The following ICE2 variants were observed in gnomAD, a reference collection of about 807,000 sequenced individuals.
The protein encoded by ICE2 is interactor of little elongation complex ELL subunit 2.
Under a neutral mutation model 105.4 loss-of-function variants are expected in ICE2, and 87 were observed. The observed-to-expected ratio is 0.83, with a 90% CI of 0.69 to 0.99. The LOEUF (loss-of-function observed/expected upper bound fraction) is 0.99. Ranked by LOEUF, ICE2 falls within the 50% of genes least tolerant of loss-of-function variation. The pLI, the probability that ICE2 is intolerant of heterozygous loss-of-function variation, is 0.00. For synonymous variants in ICE2, 399 were observed against 392.0 expected, an observed-to-expected ratio of 1.02 and a Z score of -0.21; for missense variants, 1,323 against 1,146.7, an observed-to-expected ratio of 1.15 and a Z score of -2.22.
intron 1 of ICE2, 47 bp from the exon 2 acceptor site, chr15:60,478,116 G>C (rs1409522965): frequency 1.3e-6 from 1 of 748,070 alleles, no homozygotes; most frequent in Non-Finnish European, 2.4e-6. Context: ...GATTGGCTAG[G>C]CCAGGTGCTA....
Position 60,448,024 on chromosome 15 carries a change from A to G in ICE2, c.2241T>C (p.Ser747=), listed in dbSNP as rs769182457. The G allele has an allele frequency of 1.9e-6, 3 of 1,613,902 alleles. No individual in the cohort carries two copies. In the South Asian group the frequency reaches 3.3e-5, roughly 18 times the overall value. Residue 747 remains serine, a synonymous_variant, in exon 11 of 16, where the codon AGT becomes AGC. Transcript: ENST00000261520. The part of the protein sequence containing the change: ...LQDLLLLVRC[S]VQRIETRPRS... ...GTGGTCTTGTCTCTATCCTCTGGACACTGCAGCGTACGAGTAACAACAGGT... is the reference window on the plus strand; with the variant it reads ...GTGGTCTTGTCTCTATCCTCTGGACGCTGCAGCGTACGAGTAACAACAGGT...
At chr15:60,466,953 TTGA>T (rs1375472844) in intron 4 of ICE2, among the ~76,000 whole-genome samples, 30 of 152,248 alleles carry the variant, frequency 2.0e-4, no homozygotes, top group Admixed American at 5.2e-4. Flanking sequence ...AACTGAGAAG[TTGA>T]TTTTATAAAA....
chr15:60,434,168 A>G (rs2063526531), intron 13 of ICE2, among the ~76,000 whole-genome samples: 1 of 152,216 alleles, frequency 6.6e-6, no homozygotes, highest in African/African-American at 2.4e-5. Flanking sequence ...CTTTCCTAGA[A>G]GTTGTGAGAT....
At chr15:60,457,211 T>TA (rs201865661) in intron 5 of ICE2, among the ~76,000 whole-genome samples, 1,921 of 152,062 alleles carry the variant, frequency 0.013, 52 homozygotes, top group African/African-American at 0.044. Flanking sequence ...ATCTATAATC[T>TA]AAAAAAAATC....
chr15:60,474,679 GC>G (rs2064705675), intron 3 of ICE2, among the ~76,000 whole-genome samples: 1 of 152,304 alleles, frequency 6.6e-6, no homozygotes, highest in African/African-American at 2.4e-5. Flanking sequence ...ATGTCTTACA[GC>G]TTTTTTGTTC....
chr15:60,428,872 A>G (rs1380493945), intron 14 of ICE2, among the ~76,000 whole-genome samples, 185 bp from the exon 15 acceptor site: 3 of 152,240 alleles, frequency 2.0e-5, no homozygotes, highest in African/African-American at 7.2e-5. Context: ...TTAGGCAACT[A>G]ATTTTAATTC....
chr15:60,475,854 T>C (rs2064746180), intron 3 of ICE2, among the ~76,000 whole-genome samples: 1 of 152,152 alleles, frequency 6.6e-6, no homozygotes, highest in East Asian at 1.9e-4. Context: ...TAGTTTAGCA[T>C]AGTATTATAA....
rs2063467992 is a variant in ICE2 at position 60,431,878 on chromosome 15, A to G, written c.2561+56T>C. 8 of 994,234 alleles carry G rather than the reference A, an allele frequency of 8.0e-6. No homozygotes were observed. In the South Asian group the frequency reaches 1.2e-4, roughly 15 times the overall value. 61.6% of individuals were successfully genotyped at this position (994,234 alleles called of 1,614,324 possible). On this transcript the variant is annotated intron_variant, in intron 14 of 15. Transcript: ENST00000261520. ...ACAGTACATTTTCAAAGTTTCTAAG[A>G]ATTTTCATCTAAGAAAATCAGATGT...
chr15:60,443,394 T>C (rs994707698), intron 11 of ICE2, among the ~76,000 whole-genome samples: 7 of 152,256 alleles, frequency 4.6e-5, no homozygotes, highest in Admixed American at 2.6e-4. Context: ...TTTGAAAATA[T>C]TTCATCAGTA....
chr15:60,463,724 C>T (rs907020196), intron 5 of ICE2, among the ~76,000 whole-genome samples: 3 of 152,122 alleles, frequency 2.0e-5, no homozygotes, highest in Admixed American at 1.3e-4. Flanking sequence ...GGGCTGAGAT[C>T]GTGCCATTGC....
At position 60,476,124 on chromosome 15, in the gene ICE2, C is replaced by G. The variant is rs1292639114; in HGVS notation, c.85G>C (p.Glu29Gln). 3.1e-6 allele frequency: 5 copies of G among 1,607,554 alleles called. No individual in the cohort carries two copies. In the African/African-American group the frequency reaches 5.4e-5, roughly 17 times the overall value. Residue 29 changes from glutamate (E) to glutamine (Q), a missense_variant, in exon 3 of 16, where the codon GAA becomes CAA. Transcript: ENST00000261520. Reference sequence around the variant, plus strand: ...GCCATGGAATGATCTTTATAATTTTCTCGAGAGAAAAATGTCTTAAGGCCA... The same window carrying G: ...GCCATGGAATGATCTTTATAATTTTGTCGAGAGAAAAATGTCTTAAGGCCA... ...KNGLKTFFSR[E>Q]NYKDHSMAPS... is the part of the protein sequence containing the mutation.
At chr15:60,442,631 CA>C (rs1471289432) in intron 11 of ICE2, 86 bp from the exon 12 acceptor site, 1 of 1,029,598 alleles carries the variant, frequency 9.7e-7, no homozygotes, top group Non-Finnish European at 1.4e-6. Flanking sequence ...TTGCCACTTT[CA>C]AAATGCTTTC....
At chr15:60,472,263 T>C (rs544710662) in intron 3 of ICE2, among the ~76,000 whole-genome samples, 6 of 152,144 alleles carry the variant, frequency 3.9e-5, no homozygotes, top group African/African-American at 1.2e-4. Flanking sequence ...CAAACACTTA[T>C]GGAGCACAGA....
At chr15:60,427,640 C>G (rs889427582) in intron 15 of ICE2, among the ~76,000 whole-genome samples, 1 of 152,210 alleles carries the variant, frequency 6.6e-6, no homozygotes, top group African/African-American at 2.4e-5. Context: ...TGGTCTCAAA[C>G]TGCTGACCTC....
rs1468471485 is a variant in ICE2, at chr15:60,420,286, C to T, written c.*3348G>A. The T allele has an allele frequency of 2.0e-5, 3 of 152,042 alleles. No individual in the cohort carries two copies. The highest frequency in any genetic ancestry group is 4.8e-5 in the African/African-American group (2 of 41,366). The allele number at this position is 152,042 out of a possible 1,614,324, so 9.4% of individuals were successfully genotyped here. A position where few individuals can be genotyped will look rare whatever the true frequency, so the allele number is the denominator to read the frequency against. Reference sequence around the variant, plus strand: ...AGCCATACTTTACTCTCCTTACCAACAACAAAACTGAGTTGTCATTTTTTT... The same window carrying T: ...AGCCATACTTTACTCTCCTTACCAATAACAAAACTGAGTTGTCATTTTTTT... On this transcript the variant is annotated 3_prime_UTR_variant, in exon 16 of 16. Coordinates refer to ENST00000261520, the MANE Select transcript of ICE2 (RefSeq NM_024611.6).
In ICE2 at chr15:60,436,809, T is replaced by C. The variant is rs547786247; in HGVS notation, c.2426-582A>G. Among the ~76,000 whole-genome samples the C allele has an allele frequency of 2.1e-4, 32 of 151,700 alleles. 2 individuals are homozygous for C. In the South Asian group the frequency reaches 6.6e-3, roughly 31 times the overall value. ...TTATGATATTTATGTATTATCATAA[T>C]ATGTATTTTTATGTTAATACATATT... On this transcript the variant is annotated intron_variant, in intron 12 of 15. Coordinates refer to ENST00000261520, the MANE Select transcript of ICE2 (RefSeq NM_024611.6).
Position 60,449,852 on chromosome 15 carries a change from T to C in ICE2, c.1126-11A>G. The C allele has an allele frequency of 6.3e-7, 1 of 1,591,086 alleles. No individual in the cohort carries two copies. Reference sequence around the variant, plus strand: ...GACTTCACAGGACATCTTATGTAAATAAATTGGTAAAGTATTAGTAAAAAT... The same window carrying C: ...GACTTCACAGGACATCTTATGTAAACAAATTGGTAAAGTATTAGTAAAAAT... On this transcript the variant is annotated splice_polypyrimidine_tract_variant and intron_variant, in intron 9 of 15. Transcript: ENST00000261520.
chr15:60,475,148 T>G (rs1283688104), intron 3 of ICE2, among the ~76,000 whole-genome samples: 1 of 152,222 alleles, frequency 6.6e-6, no homozygotes, highest in African/African-American at 2.4e-5. Flanking sequence ...GGGAGTTTCC[T>G]AATTCCTCAT....
rs2063225832 is a variant in ICE2 at position 60,419,931 on chromosome 15, G to A, written c.*3703C>T. 3 of 152,162 alleles carry A rather than the reference G, an allele frequency of 2.0e-5. No homozygotes were observed. The highest frequency in any genetic ancestry group is 7.2e-5 in the African/African-American group (3 of 41,440). The allele number at this position is 152,162 out of a possible 1,614,324, so 9.4% of individuals were successfully genotyped here. A position where few individuals can be genotyped will look rare whatever the true frequency, so the allele number is the denominator to read the frequency against. On this transcript the variant is annotated 3_prime_UTR_variant, in exon 16 of 16. Transcript: ENST00000261520. ...CCAAACTTCTCCCTTCAAGGGTGGAGCTTAAGTGTGGGCTTAGCGACTTAC... is the reference window on the plus strand; with the variant it reads ...CCAAACTTCTCCCTTCAAGGGTGGAACTTAAGTGTGGGCTTAGCGACTTAC...
Sources: allele counts gnomAD v4.1 joint callset (sites outside exome capture counted in the v4.1 genomes callset), GRCh38; gene constraint gnomAD v4.1.1; transcripts MANE v1.5; gene names NCBI Gene and HGNC (gene_info 2026-07-23, HGNC 2026-07-21).